Variants in BCL2L14 observed in about 807,000 individuals in gnomAD.
The protein encoded by BCL2L14 is apoptosis facilitator Bcl-2-like protein 14.
Under a neutral mutation model 35.3 loss-of-function variants are expected in BCL2L14, and 27 were observed. The observed-to-expected ratio is 0.76, with a 90% CI of 0.56 to 1.05. The LOEUF is 1.05. Among genes scored for constraint, BCL2L14 ranks in the 50% least tolerant of loss-of-function variants. The pLI, the probability that BCL2L14 is intolerant of heterozygous loss-of-function variation, is 0.00. For missense variants in BCL2L14, 377 were observed against 382.6 expected (o/e 0.99, Z 0.12); for synonymous variants, 139 against 145.9 (o/e 0.95, Z 0.34).
Position 12,065,537 on chromosome 12 carries a change from A to G in BCL2L14, c.-271-12169A>G, listed in dbSNP as rs1156319360. On this transcript the variant is annotated intron_variant, in intron 2 of 3. Coordinates refer to the BCL2L14 transcript ENST00000461264. ...GGCGACAGAGTGAGACTCCATCTCA[A>G]AAAAAAAAAAAAAGAAGAAGAAGTG... 0.012 allele frequency among the ~76,000 whole-genome samples: 18 copies of G among 1,534 alleles called. No individual in the cohort carries two copies. The Admixed American group carries it at 0.13, about 11-fold the overall frequency. 1.0% of individuals were successfully genotyped at this position (1,534 alleles called of 152,430 possible). A position where few individuals can be genotyped will look rare whatever the true frequency, so the allele number is the denominator to read the frequency against.
At chr12:12,085,027 C>T (rs569276331) in intron 2 of BCL2L14, among the ~76,000 whole-genome samples, 9 of 145,276 alleles carry the variant, frequency 6.2e-5, no homozygotes, top group East Asian at 4.0e-4. Flanking sequence ...GAGGTTGCAG[C>T]GAGCCGAGAT....
intron 1 of BCL2L14, among the ~76,000 whole-genome samples, chr12:12,073,556 C>CCA (rs146431306): frequency 4.0e-5 from 6 of 151,596 alleles, no homozygotes; most frequent in South Asian, 2.1e-4. Flanking sequence ...ACTCCCCCCG[C>CCA]CACACACACA....
chr12:12,091,694 G>C (rs915820868), intron 4 of BCL2L14, among the ~76,000 whole-genome samples: 1 of 152,226 alleles, frequency 6.6e-6, no homozygotes, highest in African/African-American at 2.4e-5. Context: ...AAGCACCTGG[G>C]AGATGGGACA....
At chr12:12,083,033 C>T (rs779922485) in intron 2 of BCL2L14, among the ~76,000 whole-genome samples, 7 of 152,138 alleles carry the variant, frequency 4.6e-5, no homozygotes, top group African/African-American at 1.2e-4. Flanking sequence ...GGCCTGATCT[C>T]GGCTCACTGC....
At chr12:12,098,917 T>C in intron 5 of BCL2L14, 33 bp from the exon 6 acceptor site, 1 of 1,491,034 alleles carries the variant, frequency 6.7e-7, no homozygotes, top group South Asian at 1.1e-5. Context: ...TAAATCTAAC[T>C]TGGAATTTTA....
chr12:12,083,838 C>G (rs184573411), intron 2 of BCL2L14, among the ~76,000 whole-genome samples: 1 of 152,268 alleles, frequency 6.6e-6, no homozygotes, highest in East Asian at 1.9e-4. Context: ...GTCTCAGCTA[C>G]TCGAGAGGCT....
intron 2 of BCL2L14, among the ~76,000 whole-genome samples, chr12:12,059,408 C>T (rs979699843): frequency 1.3e-5 from 2 of 151,998 alleles, no homozygotes; most frequent in South Asian, 2.1e-4. Context: ...ATCTCTGCAC[C>T]CCAATCCCTT....
chr12:12,050,892 G>A (rs531857873), intron 1 of BCL2L14, among the ~76,000 whole-genome samples: 2 of 152,050 alleles, frequency 1.3e-5, no homozygotes, highest in South Asian at 4.2e-4. Context: ...TTTGTGTTGA[G>A]CCACATTCAA....
At chr12:12,051,772 G>T (rs1034693631) in intron 1 of BCL2L14, 1 of 152,206 alleles carries the variant, frequency 6.6e-6, no homozygotes, top group South Asian at 2.1e-4. Context: ...ACCCTAAAGC[G>T]AATATTATCT....
rs138260830 is a variant in BCL2L14, at chr12:12,079,620, G to T, written c.315G>T (p.Ser105=). 16 of 1,614,066 alleles carry T rather than the reference G, an allele frequency of 9.9e-6. No homozygotes were observed. The African/African-American group carries it at 2.1e-4, about 22-fold the overall frequency. The change falls in exon 2 of 6, where the codon TCG becomes TCT. Residue 105 remains serine, a synonymous_variant. Transcript: ENST00000308721. Reference sequence around the variant, plus strand: ...TTGGAGTAGTGGAGAAGGAAGATTCGCAGAGCACGCCTGCCAAGGTCTCTG... The same window carrying T: ...TTGGAGTAGTGGAGAAGGAAGATTCTCAGAGCACGCCTGCCAAGGTCTCTG... The part of the protein sequence containing the change: ...AFFGVVEKED[S]QSTPAKVSAQ...
chr12:12,098,475 G>C (rs888655319), intron 5 of BCL2L14, among the ~76,000 whole-genome samples: 2 of 152,006 alleles, frequency 1.3e-5, no homozygotes, highest in Non-Finnish European at 2.9e-5. Context: ...TGAATGAATC[G>C]ATCAAATGAA....
At chr12:12,050,092 G>A (rs1051384861) in intron 1 of BCL2L14, 2 of 152,242 alleles carry the variant, frequency 1.3e-5, no homozygotes, top group African/African-American at 2.4e-5. Flanking sequence ...ATGGCAGATA[G>A]TCTACTGACC....
At chr12:12,050,434 A>G (rs1207469349) in intron 1 of BCL2L14, among the ~76,000 whole-genome samples, 3 of 99,516 alleles carry the variant, frequency 3.0e-5, no homozygotes, top group African/African-American at 8.6e-5. Flanking sequence ...CACCATCTCA[A>G]AAAAAAAAAA....
intron 5 of BCL2L14, among the ~76,000 whole-genome samples, chr12:12,098,509 G>A (rs1157513807): frequency 1.3e-5 from 2 of 152,040 alleles, no homozygotes; most frequent in African/African-American, 2.4e-5. Context: ...TATCTACAAG[G>A]CATGCCAAAC....
intron 2 of BCL2L14, among the ~76,000 whole-genome samples, chr12:12,082,423 A>G (rs886576019): frequency 6.6e-6 from 1 of 152,190 alleles, no homozygotes; most frequent in Non-Finnish European, 1.5e-5. Flanking sequence ...AGGCACCTAA[A>G]TAGGCTTTTC....
chr12:12,097,037 A>G (rs6488501), intron 5 of BCL2L14, among the ~76,000 whole-genome samples: 30,108 of 152,002 alleles, frequency 0.2, 3,194 homozygotes, highest in South Asian at 0.28. Flanking sequence ...CCAGCTACTC[A>G]GGGGGGCTGA....
intron 4 of BCL2L14, among the ~76,000 whole-genome samples, chr12:12,091,504 G>A (rs1434369576): frequency 9.2e-5 from 14 of 152,222 alleles, no homozygotes; most frequent in African/African-American, 3.4e-4. Flanking sequence ...AGACGACTGA[G>A]TAGTCTCTAG....
intron 2 of BCL2L14, among the ~76,000 whole-genome samples, chr12:12,084,175 T>C (rs1158204870): frequency 6.6e-6 from 1 of 152,206 alleles, no homozygotes; most frequent in Non-Finnish European, 1.5e-5. Context: ...CCCAGGCTGG[T>C]CTCGAACTCC....
Position 12,087,240 on chromosome 12 carries a change from C to T in BCL2L14, c.461C>T (p.Ala154Val), listed in dbSNP as rs1161546893. 2 of 1,614,210 alleles carry T rather than the reference C, an allele frequency of 1.2e-6. No homozygotes were observed. Among genetic ancestry groups the T allele is most frequent in the Admixed American group, 1.7e-5 (1 of 60,028 alleles). The change falls in exon 3 of 6, where the codon GCC becomes GTC. Residue 154 changes from alanine (A) to valine (V), a missense_variant. Transcript: ENST00000308721. The part of the protein sequence containing the change: ...EAVDPKVISI[A>V]NRVAEIVYSW... ...GTGGACCCCAAAGTCATTTCCATTG[C>T]CAACCGAGTAGCTGAAATTGTTTAC... is the stretch of plus-strand genomic sequence containing the variant.
Sources: allele counts gnomAD v4.1 joint callset (sites outside exome capture counted in the v4.1 genomes callset), GRCh38; gene constraint gnomAD v4.1.1; transcripts MANE v1.5; gene names NCBI Gene and HGNC (gene_info 2026-07-23, HGNC 2026-07-21).